The following DCAF8 variants were observed in gnomAD, a reference collection of about 807,000 sequenced individuals.
DCAF8 encodes DDB1- and CUL4-associated factor 8.
Under a neutral mutation model 68.0 loss-of-function variants are expected in DCAF8, and 20 were observed. The observed-to-expected ratio is 0.29, with a 90% CI of 0.21 to 0.43. The LOEUF (loss-of-function observed/expected upper bound fraction) is 0.43, where lower values mean the gene tolerates loss of function less well. Ranked by LOEUF, DCAF8 falls within the 20% of genes least tolerant of loss-of-function variation. The probability of loss-of-function intolerance (pLI) is 1.00; values close to 1 mark genes in which losing one functional copy is unlikely to be tolerated. For synonymous variants in DCAF8, 230 were observed against 276.9 expected (o/e 0.83, Z 1.68); for missense variants, 460 against 771.0 (o/e 0.60, Z 4.78).
intron 2 of DCAF8, among the ~76,000 whole-genome samples, chr1:160,252,785 G>T (rs1426223578): frequency 6.6e-6 from 1 of 152,160 alleles, no homozygotes; most frequent in Non-Finnish European, 1.5e-5. Flanking sequence ...AGCTCAATAA[G>T]CAGTTACAAA....
chr1:160,258,898 G>A (rs1054515996), intron 2 of DCAF8, among the ~76,000 whole-genome samples: 4 of 152,176 alleles, frequency 2.6e-5, no homozygotes, highest in African/African-American at 9.6e-5. Context: ...CTCTTTCAAA[G>A]TATTTCCTTT....
At chr1:160,237,442 T>C (rs917221934) in intron 5 of DCAF8, among the ~76,000 whole-genome samples, 4 of 152,240 alleles carry the variant, frequency 2.6e-5, no homozygotes, top group African/African-American at 7.2e-5. Flanking sequence ...ATTCTATAAC[T>C]AGTCAAAGGA....
rs943139537 is a variant in DCAF8, at chr1:160,261,364, A to G, written c.-100-6T>C. 1 of 152,246 alleles carries G rather than the reference A, an allele frequency of 6.6e-6. No individual in the cohort carries two copies. The highest frequency in any genetic ancestry group is 2.4e-5 in the African/African-American group (1 of 41,460). 9.4% of individuals were successfully genotyped at this position (152,246 alleles called of 1,614,324 possible). A position where few individuals can be genotyped will look rare whatever the true frequency, so the allele number is the denominator to read the frequency against. ...TCTGTAGATTCACTGAAGGACTGAG[A>G]AAAGTTAAAATTTACATGGCAAAGG... is the stretch of plus-strand genomic sequence containing the variant. On this transcript the variant is annotated splice_region_variant and splice_polypyrimidine_tract_variant and intron_variant, in intron 1 of 13. Coordinates refer to ENST00000368074, the MANE Select transcript of DCAF8 (RefSeq NM_015726.4).
chr1:160,257,861 G>A (rs1350211736), intron 2 of DCAF8, among the ~76,000 whole-genome samples: 10 of 152,178 alleles, frequency 6.6e-5, no homozygotes, highest in Admixed American at 6.5e-4. Flanking sequence ...CTCCCAAGGA[G>A]ATGGGACTGC....
At chr1:160,246,574 T>C (rs1313073346) in intron 2 of DCAF8, among the ~76,000 whole-genome samples, 2 of 152,114 alleles carry the variant, frequency 1.3e-5, no homozygotes, top group Non-Finnish European at 2.9e-5. Flanking sequence ...AAAGGACTGC[T>C]TGAGCTCAGG....
At chr1:160,258,161 A>G (rs957367287) in intron 2 of DCAF8, among the ~76,000 whole-genome samples, 3 of 152,100 alleles carry the variant, frequency 2.0e-5, no homozygotes, top group Non-Finnish European at 2.9e-5. Flanking sequence ...AGCCTGGGCA[A>G]TATGGTGAAA....
chr1:160,216,128 A>C lies in DCAF8; in HGVS notation c.*1464T>G, dbSNP rs1476373393. The C allele has an allele frequency of 6.6e-6, 1 of 152,206 alleles. No homozygotes were observed. The highest frequency in any genetic ancestry group is 1.5e-5 in the Non-Finnish European group (1 of 68,038). The allele number at this position is 152,206 out of a possible 1,614,324, so 9.4% of individuals were successfully genotyped here. A position where few individuals can be genotyped will look rare whatever the true frequency, so the allele number is the denominator to read the frequency against. On this transcript the variant is annotated 3_prime_UTR_variant, in exon 14 of 14. Transcript: ENST00000368074. ...TGCCCAAGCTCCAGCCACTGTAATC[A>C]GTCCTTAGATTAATGACTTATTCCT...
chr1:160,252,278 AT>A (rs1246261302), intron 2 of DCAF8, among the ~76,000 whole-genome samples: 1 of 152,248 alleles, frequency 6.6e-6, no homozygotes, highest in African/African-American at 2.4e-5. Flanking sequence ...AGTATCTATC[AT>A]TTTTTAAAAA....
At chr1:160,231,467 A>G (rs1655681640) in intron 6 of DCAF8, 60 bp from the exon 7 acceptor site, 1 of 1,267,756 alleles carries the variant, frequency 7.9e-7, no homozygotes, top group African/African-American at 1.5e-5. Flanking sequence ...TGGTCATGGC[A>G]AAGGAGAGCC....
intron 2 of DCAF8, among the ~76,000 whole-genome samples, chr1:160,256,030 T>A (rs1303404026): frequency 6.8e-6 from 1 of 147,838 alleles, no homozygotes; most frequent in African/African-American, 2.5e-5. Context: ...TTTTTTTTTT[T>A]TTTTTTTTTT....
chr1:160,245,361 C>A (rs1265822342), intron 2 of DCAF8, among the ~76,000 whole-genome samples: 1 of 152,226 alleles, frequency 6.6e-6, no homozygotes, highest in East Asian at 1.9e-4. Context: ...ATAATTATGA[C>A]CCCAGTCCTT....
At chr1:160,231,242 A>G in intron 7 of DCAF8, 55 bp downstream of exon 7, 1 of 1,202,986 alleles carries the variant, frequency 8.3e-7, no homozygotes, top group South Asian at 1.2e-5. Context: ...ACCTGGTAGT[A>G]TACAATGCAT....
chr1:160,251,328 T>A (rs936043260), intron 2 of DCAF8, among the ~76,000 whole-genome samples: 1 of 152,216 alleles, frequency 6.6e-6, no homozygotes, highest in African/African-American at 2.4e-5. Context: ...CAACTAGTTC[T>A]ACTTTCTCCA....
chr1:160,218,049 A>T (rs1285804605), intron 13 of DCAF8: 1 of 519,482 alleles, frequency 1.9e-6, no homozygotes, highest in Non-Finnish European at 3.4e-6. Context: ...TCACACTGAG[A>T]CTTGTTATTT....
chr1:160,248,312 A>T (rs1302871771), intron 2 of DCAF8, among the ~76,000 whole-genome samples: 1 of 152,020 alleles, frequency 6.6e-6, no homozygotes, highest in African/African-American at 2.4e-5. Flanking sequence ...ATCTAGAAAA[A>T]AAAAAAAATT....
At chr1:160,244,152 G>A (rs1383229025) in intron 2 of DCAF8, 118 bp from the exon 3 acceptor site, 1 of 766,138 alleles carries the variant, frequency 1.3e-6, no homozygotes, top group Non-Finnish European at 2.2e-6. Flanking sequence ...AATGATTTGT[G>A]TATGCATGCT....
intron 2 of DCAF8, among the ~76,000 whole-genome samples, chr1:160,244,630 T>G (rs1302978433): frequency 6.6e-6 from 1 of 151,880 alleles, no homozygotes; most frequent in East Asian, 1.9e-4. Flanking sequence ...TTCTTTTTTT[T>G]TTTTTGAGAC....
intron 7 of DCAF8, among the ~76,000 whole-genome samples, chr1:160,230,870 G>A (rs1448908851): frequency 6.6e-6 from 1 of 152,042 alleles, no homozygotes; most frequent in Non-Finnish European, 1.5e-5. Context: ...TCCTGCCTCA[G>A]CCTCTTGAGC....
chr1:160,240,536 G>A (rs1656071008), intron 3 of DCAF8, among the ~76,000 whole-genome samples, 166 bp from the exon 4 acceptor site: 1 of 152,166 alleles, frequency 6.6e-6, no homozygotes, highest in Non-Finnish European at 1.5e-5. Flanking sequence ...GGGAAATCTT[G>A]TAAAGGACAA....
Sources: gnomAD v4.1 joint callset for allele counts (sites outside exome capture counted in the v4.1 genomes callset) on GRCh38, gnomAD v4.1.1 for gene constraint, MANE v1.5 for transcripts, NCBI Gene and HGNC (gene_info 2026-07-23, HGNC 2026-07-21) for gene names.